SPPL3: variants seen among roughly 807,000 people sequenced by gnomAD.
SPPL3 encodes the protein signal peptide peptidase-like 3.
Under a neutral mutation model 42.4 loss-of-function variants are expected in SPPL3, and 5 were observed. The observed-to-expected ratio is 0.12, with a 90% confidence interval of 0.06 to 0.25. SPPL3 has a LOEUF of 0.25. SPPL3 is among the 10% of genes least tolerant of loss of function. SPPL3 has a pLI of 1.00. For missense variants in SPPL3, 235 were observed against 489.0 expected (o/e 0.48, Z 4.90); for synonymous variants, 195 against 181.8 (o/e 1.07, Z -0.58).
intron 1 of SPPL3, among the ~76,000 whole-genome samples, chr12:120,860,782 A>G (rs1460119967): frequency 6.6e-6 from 1 of 152,270 alleles, no homozygotes; most frequent in East Asian, 1.9e-4. Flanking sequence ...TTTTTATGTA[A>G]AAGAGTAAAT....
chr12:120,818,267 G>A lies in SPPL3; in HGVS notation c.24-7381C>T, dbSNP rs535972730. Among the ~76,000 whole-genome samples, 49 of 152,312 alleles carry A rather than the reference G, an allele frequency of 3.2e-4. 1 individual carries two copies. The highest frequency in any genetic ancestry group is 6.2e-4 in the South Asian group (3 of 4,822). ...CAAAATCAGGTTAGCCAAATGTATT[G>A]AAAACAGTCTTGAAGACTTTGTCAA... On this transcript the variant is annotated intron_variant, in intron 1 of 10. Transcript: ENST00000353487.
intron 1 of SPPL3, among the ~76,000 whole-genome samples, chr12:120,822,841 A>G (rs1871112546): frequency 1.3e-5 from 2 of 152,058 alleles, no homozygotes; most frequent in South Asian, 4.2e-4. Context: ...GTCTGTTACA[A>G]GCTCCAACTA....
rs142487743 is a variant in SPPL3 at position 120,805,264 on chromosome 12, A to G, written c.101+5545T>C. ...ATAAAGCTGTTAAAATATACTATAT[A>G]AATTAAATGGACAAAAACCACAGGA... On this transcript the variant is annotated intron_variant, in intron 2 of 10. Coordinates refer to ENST00000353487, the MANE Select transcript of SPPL3 (RefSeq NM_139015.5). Among the ~76,000 whole-genome samples, 250 of 152,376 alleles carry G rather than the reference A, an allele frequency of 1.6e-3. 6 individuals carry two copies. Among genetic ancestry groups the G allele is most frequent in the Admixed American group, 0.012 (190 of 15,312 alleles).
At chr12:120,781,560 T>G (rs1211694429) in intron 6 of SPPL3, among the ~76,000 whole-genome samples, 3 of 12,332 alleles carry the variant, frequency 2.4e-4, no homozygotes, top group African/African-American at 3.5e-4. Context: ...GTTACGTTTT[T>G]TTTTTTTTTT....
At chr12:120,778,319 G>T (rs1454897655) in intron 6 of SPPL3, among the ~76,000 whole-genome samples, 1 of 151,924 alleles carries the variant, frequency 6.6e-6, no homozygotes, top group Non-Finnish European at 1.5e-5. Context: ...GTTTCACCAT[G>T]TTGGCCAGGC....
chr12:120,780,751 A>C (rs1350404258), intron 6 of SPPL3, among the ~76,000 whole-genome samples: 32 of 119,240 alleles, frequency 2.7e-4, no homozygotes, highest in Non-Finnish European at 3.9e-4. Flanking sequence ...TAAAAAAAAA[A>C]ACAAAACAAA....
In SPPL3 at chr12:120,762,633, G is replaced by A. The variant is rs988712366; in HGVS notation, c.*2366C>T. ...TTTTGAGATGGAGTCTCACCCTGTCGCCCAGACTTGAGTGCAGTGGCGCAA... is the reference window on the plus strand; with the variant it reads ...TTTTGAGATGGAGTCTCACCCTGTCACCCAGACTTGAGTGCAGTGGCGCAA... On this transcript the variant is annotated 3_prime_UTR_variant, in exon 11 of 11. Transcript: ENST00000353487. 10 of 137,290 alleles carry A rather than the reference G, an allele frequency of 7.3e-5. No homozygotes were observed. The highest frequency in any genetic ancestry group is 2.3e-4 in the African/African-American group (8 of 35,476). 8.5% of individuals were successfully genotyped at this position (137,290 alleles called of 1,614,324 possible). A position where few individuals can be genotyped will look rare whatever the true frequency, so the allele number is the denominator to read the frequency against.
intron 1 of SPPL3, among the ~76,000 whole-genome samples, chr12:120,814,457 C>T (rs1174509121): frequency 6.6e-6 from 1 of 152,182 alleles, no homozygotes; most frequent in Non-Finnish European, 1.5e-5. Flanking sequence ...CAAGAGATAT[C>T]TGAGCTATCA....
chr12:120,829,606 A>C (rs937976709), intron 1 of SPPL3, among the ~76,000 whole-genome samples: 2 of 152,092 alleles, frequency 1.3e-5, no homozygotes, highest in Non-Finnish European at 1.5e-5. Flanking sequence ...AAAAAAGAAA[A>C]AAAACAAAAC....
intron 1 of SPPL3, among the ~76,000 whole-genome samples, chr12:120,889,541 A>C (rs558380507): frequency 6.6e-6 from 1 of 152,354 alleles, no homozygotes; most frequent in East Asian, 1.9e-4. Flanking sequence ...AGCTTCCCCT[A>C]TGTGGCTGCT....
rs118055784 is a variant in SPPL3 at position 120,902,768 on chromosome 12, A to G, written c.23+1077T>C. Among the ~76,000 whole-genome samples the G allele has an allele frequency of 5.5e-4, 83 of 152,244 alleles. 1 individual carries two copies. In the East Asian group the frequency reaches 0.015, roughly 28 times the overall value. ...TAAACCATCTTCAAACCATTTCTCT[A>G]AATTGCAATCAGGTCCCCCACTCCT... On this transcript the variant is annotated intron_variant, in intron 1 of 10. Coordinates refer to ENST00000353487, the MANE Select transcript of SPPL3 (RefSeq NM_139015.5).
rs1464772316 is a variant in SPPL3, at chr12:120,829,848, G to C, written c.24-18962C>G. ...GTTTCTACTAAAAATATAAAAATGA[G>C]CCAGCTGTGGTGGCAGGCATCTGTA... is the stretch of plus-strand genomic sequence containing the variant. On this transcript the variant is annotated intron_variant, in intron 1 of 10. Transcript: ENST00000353487. Among the ~76,000 whole-genome samples the C allele has an allele frequency of 3.3e-5, 5 of 152,074 alleles. No homozygotes were observed. In the East Asian group the frequency reaches 9.7e-4, roughly 30 times the overall value.
intron 1 of SPPL3, among the ~76,000 whole-genome samples, chr12:120,876,901 GA>G (rs1873119001): frequency 6.7e-6 from 1 of 150,106 alleles, no homozygotes. Context: ...CAAAAAAATG[GA>G]AAAACACTAG....
chr12:120,840,737 C>T (rs994279232), intron 1 of SPPL3, among the ~76,000 whole-genome samples: 3 of 151,948 alleles, frequency 2.0e-5, no homozygotes, highest in Middle Eastern at 3.4e-3. Context: ...GGGGCTGAGG[C>T]AGAAGGATGG....
intron 1 of SPPL3, among the ~76,000 whole-genome samples, chr12:120,852,746 T>G (rs1334041097): frequency 1.5e-5 from 1 of 66,864 alleles, no homozygotes; most frequent in African/African-American, 5.5e-5. Context: ...TATAATATAT[T>G]TCATATATTA....
intron 1 of SPPL3, among the ~76,000 whole-genome samples, chr12:120,883,045 C>G (rs1472762717): frequency 6.6e-6 from 1 of 152,090 alleles, no homozygotes; most frequent in Non-Finnish European, 1.5e-5. Context: ...TGGCTCACAA[C>G]TGTAATCCCA....
chr12:120,839,768 G>C (rs1161141068), intron 1 of SPPL3, among the ~76,000 whole-genome samples: 1 of 151,852 alleles, frequency 6.6e-6, no homozygotes, highest in Non-Finnish European at 1.5e-5. Flanking sequence ...TCCTCAAATT[G>C]TTAAACACAG....
chr12:120,768,550 G>A, intron 7 of SPPL3, 62 bp from the exon 8 acceptor site: 4 of 1,531,568 alleles, frequency 2.6e-6, no homozygotes, highest in Non-Finnish European at 3.6e-6. Context: ...TTCAGCATCA[G>A]CCCTCCTTGC....
intron 9 of SPPL3, among the ~76,000 whole-genome samples, chr12:120,766,920 G>A (rs972428389): frequency 8.5e-5 from 13 of 152,236 alleles, no homozygotes; most frequent in Non-Finnish European, 1.5e-4. Context: ...CTGTGCGGGA[G>A]CAGTTGCATG....
Sources: gnomAD v4.1 joint callset for allele counts (sites outside exome capture counted in the v4.1 genomes callset) on GRCh38, gnomAD v4.1.1 for gene constraint, MANE v1.5 for transcripts, NCBI Gene and HGNC (gene_info 2026-07-23, HGNC 2026-07-21) for gene names.